CDK8: variants seen among roughly 807,000 people sequenced by gnomAD.
CDK8 encodes cyclin-dependent kinase 8.
Under a neutral mutation model 71.5 loss-of-function variants are expected in CDK8, and 29 were observed. The ratio of observed to expected loss-of-function variants is 0.41; its 90% CI spans 0.30 to 0.55. The LOEUF is 0.55. CDK8 is among the 20% of genes least tolerant of loss of function. The pLI is 0.37. For missense variants in CDK8, 288 were observed against 572.6 expected, an observed-to-expected ratio of 0.50 and a Z score of 5.07; for synonymous variants, 161 against 192.1, an observed-to-expected ratio of 0.84 and a Z score of 1.34.
intron 4 of CDK8, among the ~76,000 whole-genome samples, chr13:26,360,578 G>C (rs771944657): frequency 2.6e-5 from 4 of 151,966 alleles, no homozygotes; most frequent in Non-Finnish European, 5.9e-5. Context: ...TACTAGTTTT[G>C]GTAATATGGT....
At chr13:26,341,517 C>G (rs1257932523) in intron 2 of CDK8, among the ~76,000 whole-genome samples, 1 of 152,048 alleles carries the variant, frequency 6.6e-6, no homozygotes, top group Non-Finnish European at 1.5e-5. Context: ...AATTGTTTTC[C>G]TTATTTTTTT....
intron 4 of CDK8, among the ~76,000 whole-genome samples, chr13:26,355,536 C>T (rs1337901644): frequency 2.6e-5 from 4 of 152,124 alleles, no homozygotes; most frequent in Non-Finnish European, 5.9e-5. Flanking sequence ...ATTACTTGAA[C>T]GCAGGAAGCT....
intron 3 of CDK8, among the ~76,000 whole-genome samples, chr13:26,352,537 GA>G (rs1371195215): frequency 1.3e-5 from 2 of 152,124 alleles, no homozygotes; most frequent in Admixed American, 1.3e-4. Context: ...TTCTTAAGGA[GA>G]ACAGACTTGA....
intron 1 of CDK8, among the ~76,000 whole-genome samples, chr13:26,259,053 A>G (rs1432048330): frequency 3.3e-5 from 5 of 152,326 alleles, no homozygotes; most frequent in East Asian, 3.9e-4. Flanking sequence ...GGAGCATCCC[A>G]TTACCTTTTT....
chr13:26,273,016 T>C (rs1356588118), intron 1 of CDK8, among the ~76,000 whole-genome samples: 2 of 152,218 alleles, frequency 1.3e-5, no homozygotes, highest in African/African-American at 4.8e-5. Context: ...GGCTGTGTTT[T>C]TGATATTATA....
At chr13:26,348,556 C>T (rs1010195525) in intron 2 of CDK8, among the ~76,000 whole-genome samples, 2 of 152,008 alleles carry the variant, frequency 1.3e-5, no homozygotes, top group Non-Finnish European at 2.9e-5. Flanking sequence ...CACCATCTGC[C>T]CCTTCCCCCA....
In CDK8 at chr13:26,389,046, TCTTA is replaced by T. The variant is rs573711109; in HGVS notation, c.646+3708_646+3711del. Among the ~76,000 whole-genome samples the T allele has an allele frequency of 9.7e-3, 1,479 of 152,340 alleles. 11 individuals carry two copies. The highest frequency in any genetic ancestry group is 0.016 in the Non-Finnish European group (1,107 of 68,020). ...CAAAGACTACCAGCCGAAGTTGTAGTCTTACTTCTATCACTCTGGGGTGTGTTTA... is the reference window on the plus strand; with the variant it reads ...CAAAGACTACCAGCCGAAGTTGTAGTCTTCTATCACTCTGGGGTGTGTTTA... On this transcript the variant is annotated intron_variant, in intron 6 of 12. Coordinates refer to ENST00000381527, the MANE Select transcript of CDK8 (RefSeq NM_001260.3).
chr13:26,369,969 C>A (rs2138026104), intron 4 of CDK8, among the ~76,000 whole-genome samples: 1 of 152,200 alleles, frequency 6.6e-6, no homozygotes, highest in South Asian at 2.1e-4. Flanking sequence ...CAAATTACCA[C>A]AACTGGCCCT....
rs145114459 is a variant in CDK8 at position 26,266,953 on chromosome 13, C to T, written c.128+12184C>T. On this transcript the variant is annotated intron_variant, in intron 1 of 12. Coordinates refer to ENST00000381527, the MANE Select transcript of CDK8 (RefSeq NM_001260.3). ...GTAGTCCAGAAATGTATTCTTAAAA[C>T]CCTAACTCTATAATTAGGAGACAAT... Among the ~76,000 whole-genome samples the T allele has an allele frequency of 9.2e-5, 14 of 152,240 alleles. No individual in the cohort carries two copies. In the East Asian group the frequency reaches 2.7e-3, roughly 29 times the overall value.
intron 1 of CDK8, among the ~76,000 whole-genome samples, chr13:26,327,476 A>G (rs1203021125): frequency 4.6e-5 from 7 of 152,188 alleles, no homozygotes; most frequent in Non-Finnish European, 7.3e-5. Context: ...AAATGATACA[A>G]TTGTTAACCT....
chr13:26,332,052 A>G (rs1323350745), intron 1 of CDK8, among the ~76,000 whole-genome samples: 11 of 151,990 alleles, frequency 7.2e-5, no homozygotes, highest in African/African-American at 2.7e-4. Context: ...ACTCCTGGGT[A>G]TTTTAATTTT....
chr13:26,291,062 T>A (rs574336567), intron 1 of CDK8, among the ~76,000 whole-genome samples: 190 of 149,466 alleles, frequency 1.3e-3, no homozygotes, highest in Middle Eastern at 3.4e-3. Context: ...GAGGTTGCAG[T>A]GAGCCAGGAC....
At chr13:26,381,451 C>CGT (rs1458131433) in intron 4 of CDK8, among the ~76,000 whole-genome samples, 1 of 151,714 alleles carries the variant, frequency 6.6e-6, no homozygotes, top group Non-Finnish European at 1.5e-5. Context: ...GTTAGAAGTG[C>CGT]GTGTGTGTGT....
chr13:26,395,468 CAA>C (rs1875945626), intron 7 of CDK8, among the ~76,000 whole-genome samples: 2 of 139,954 alleles, frequency 1.4e-5, no homozygotes, highest in Non-Finnish European at 3.1e-5. Context: ...GGGCTGTTAA[CAA>C]GAGCGAAACT....
At chr13:26,348,802 A>G (rs1471798155) in intron 2 of CDK8, among the ~76,000 whole-genome samples, 3 of 152,220 alleles carry the variant, frequency 2.0e-5, no homozygotes, top group African/African-American at 7.2e-5. Flanking sequence ...TTTTTATGTT[A>G]GATATATTTT....
In CDK8 at chr13:26,404,087, A is replaced by G. The variant is rs1244476569; in HGVS notation, c.*6A>G. 1.2e-6 allele frequency: 2 copies of G among 1,613,720 alleles called. No homozygotes were observed. Among genetic ancestry groups the G allele is most frequent in the South Asian group, 2.2e-5 (2 of 91,052 alleles). On this transcript the variant is annotated 3_prime_UTR_variant, in exon 13 of 13. Coordinates refer to ENST00000381527, the MANE Select transcript of CDK8 (RefSeq NM_001260.3). ...ATCAGACACATCGGTACTGAGCTGC[A>G]TCGGAATCTTGTCCATGCACTGTTG...
chr13:26,399,376 A>G (rs1023927084), intron 9 of CDK8, among the ~76,000 whole-genome samples: 6 of 152,150 alleles, frequency 3.9e-5, no homozygotes, highest in Non-Finnish European at 8.8e-5. Flanking sequence ...GTCCAGCAGC[A>G]TGGTATCATG....
In CDK8 at chr13:26,404,107, C is replaced by T. The variant is rs2138080136; in HGVS notation, c.*26C>T. The T allele has an allele frequency of 6.2e-7, 1 of 1,612,596 alleles. No individual in the cohort carries two copies. The highest frequency in any genetic ancestry group is 8.5e-7 in the Non-Finnish European group (1 of 1,179,206). ...GCTGCATCGGAATCTTGTCCATGCA[C>T]TGTTGCGAATGCTGCAGGGCTGACT... On this transcript the variant is annotated 3_prime_UTR_variant, in exon 13 of 13. Transcript: ENST00000381527.
intron 12 of CDK8, 41 bp from the exon 13 acceptor site, chr13:26,403,915 A>G: frequency 6.2e-7 from 1 of 1,602,720 alleles, no homozygotes; most frequent in South Asian, 1.1e-5. Flanking sequence ...AGCTTCCCCT[A>G]GAAGCACCTG....
Sources: allele counts gnomAD v4.1 joint callset (sites outside exome capture counted in the v4.1 genomes callset), GRCh38; gene constraint gnomAD v4.1.1; transcripts MANE v1.5; gene names NCBI Gene and HGNC (gene_info 2026-07-23, HGNC 2026-07-21).